Variants in TRIM62 observed in about 807,000 individuals in gnomAD.
The protein encoded by TRIM62 is E3 ubiquitin-protein ligase TRIM62.
Under a neutral mutation model 44.2 loss-of-function variants are expected in TRIM62, and 39 were observed. The observed-to-expected ratio is 0.88, with a 90% confidence interval of 0.68 to 1.15. The LOEUF is 1.15. Among genes scored for constraint, TRIM62 ranks in the 50% most tolerant of loss-of-function variants. The pLI, the probability that TRIM62 is intolerant of heterozygous loss-of-function variation, is 0.00. For missense variants in TRIM62, 544 were observed against 665.5 expected (o/e 0.82, Z 2.01); for synonymous variants, 278 against 292.3 (o/e 0.95, Z 0.50).
intron 2 of TRIM62, among the ~76,000 whole-genome samples, chr1:33,162,694 G>A (rs1305437650): frequency 6.6e-6 from 1 of 152,168 alleles, no homozygotes; most frequent in South Asian, 2.1e-4. Flanking sequence ...GGGAGGGAAA[G>A]GGGGGAAGGC....
chr1:33,171,926 C>T (rs186114888), intron 1 of TRIM62, among the ~76,000 whole-genome samples: 8 of 152,208 alleles, frequency 5.3e-5, no homozygotes, highest in South Asian at 2.1e-4. Flanking sequence ...GGATTATAGG[C>T]GCCCGACACC....
In TRIM62 at chr1:33,177,203, T is replaced by G. The variant is rs1436992379; in HGVS notation, c.408+3822A>C. ...GTATAGTAACTCCTGCCATGTTTCA[T>G]GGGGTATTATTATGGGGGGACTTTA... is the stretch of plus-strand genomic sequence containing the variant. On this transcript the variant is annotated intron_variant, in intron 1 of 4. Transcript: ENST00000291416. This position sits in a 1 kb window ranked among gnomAD's most constrained non-coding sequence, Gnocchi z 4.1. Among the ~76,000 whole-genome samples, 1 of 152,200 alleles carries G rather than the reference T, an allele frequency of 6.6e-6. No homozygotes were observed. Among genetic ancestry groups the G allele is most frequent in the East Asian group, 1.9e-4 (1 of 5,196 alleles).
intron 1 of TRIM62, among the ~76,000 whole-genome samples, chr1:33,169,986 C>G (rs560709410): frequency 2.4e-4 from 36 of 152,274 alleles, no homozygotes; most frequent in African/African-American, 8.2e-4. Flanking sequence ...ACACTTGTAC[C>G]CTGATGGCAC....
In TRIM62 at chr1:33,181,512, G is replaced by T; in HGVS notation, c.-80C>A. On this transcript the variant is annotated 5_prime_UTR_variant, in exon 1 of 5. Coordinates refer to ENST00000291416, the MANE Select transcript of TRIM62 (RefSeq NM_018207.3). The surrounding 1 kb of genome is among the most constrained non-coding windows in gnomAD (Gnocchi z 6.5). ...GCGCGGCGCTGTCGGAGGCAGCACC[G>T]AGGGCTGGGCGCGGGGACGAGGCCC... 6.8e-7 allele frequency: 1 copy of T among 1,468,460 alleles called. No individual in the cohort carries two copies. Among genetic ancestry groups the T allele is most frequent in the Non-Finnish European group, 8.9e-7 (1 of 1,120,278 alleles). 91.0% of individuals were successfully genotyped at this position (1,468,460 alleles called of 1,614,324 possible).
rs190125071 is a variant in TRIM62, at chr1:33,169,129, G to A, written c.409-3563C>T. Among the ~76,000 whole-genome samples, 3 of 152,292 alleles carry A rather than the reference G, an allele frequency of 2.0e-5. No homozygotes were observed. The East Asian group carries it at 5.8e-4, about 29-fold the overall frequency. On this transcript the variant is annotated intron_variant, in intron 1 of 4. Transcript: ENST00000291416. ...GAGAGATGAGGTGTGAGTCCTAAAC[G>A]TGATGCCACGAGGTGTGCATGTGTT...
At chr1:33,180,903 C>T in intron 1 of TRIM62, 122 bp downstream of exon 1, 1 of 412,832 alleles carries the variant, frequency 2.4e-6, no homozygotes, top group Non-Finnish European at 3.6e-6. Flanking sequence ...ACCTTGCTGG[C>T]GGCCCCGCCC....
At chr1:33,173,269 C>A (rs973962939) in intron 1 of TRIM62, among the ~76,000 whole-genome samples, 1 of 152,212 alleles carries the variant, frequency 6.6e-6, no homozygotes, top group Non-Finnish European at 1.5e-5. Context: ...CCCACCAGCT[C>A]CCCTGGCACA....
Position 33,159,955 on chromosome 1 carries a change from C to G in TRIM62, c.505-11G>C. Reference sequence around the variant, plus strand: ...GCTCTTGGTGGAAGACTGTGGGGGACAGTCGTCAGGGGTTATGGCTGGGGG... The same window carrying G: ...GCTCTTGGTGGAAGACTGTGGGGGAGAGTCGTCAGGGGTTATGGCTGGGGG... On this transcript the variant is annotated splice_polypyrimidine_tract_variant and intron_variant, in intron 2 of 4. Transcript: ENST00000291416. The surrounding 1 kb of genome is among the most constrained non-coding windows in gnomAD (Gnocchi z 4.2). 1 of 1,599,190 alleles carries G rather than the reference C, an allele frequency of 6.3e-7. No homozygotes were observed. Among genetic ancestry groups the G allele is most frequent in the Non-Finnish European group, 8.5e-7 (1 of 1,177,672 alleles).
Position 33,172,378 on chromosome 1 carries a change from C to T in TRIM62, c.409-6812G>A, listed in dbSNP as rs77702879. Among the ~76,000 whole-genome samples, 488 of 152,112 alleles carry T rather than the reference C, an allele frequency of 3.2e-3. 19 individuals are homozygous for T. In the East Asian group the frequency reaches 0.083, roughly 26 times the overall value. On this transcript the variant is annotated intron_variant, in intron 1 of 4. Coordinates refer to ENST00000291416, the MANE Select transcript of TRIM62 (RefSeq NM_018207.3). ...CAGGTTGGGTAGGGGCCCACCCTCACGTGTGCAGGAAGTCGGGGTGGTTGG... is the reference window on the plus strand; with the variant it reads ...CAGGTTGGGTAGGGGCCCACCCTCATGTGTGCAGGAAGTCGGGGTGGTTGG...
intron 2 of TRIM62, among the ~76,000 whole-genome samples, chr1:33,162,648 G>T (rs1350831262): frequency 6.6e-6 from 1 of 152,212 alleles, no homozygotes; most frequent in Non-Finnish European, 1.5e-5. Context: ...CTTCTTTCCA[G>T]GCTGGGGTTT....
At chr1:33,171,430 C>G (rs1645374011) in intron 1 of TRIM62, among the ~76,000 whole-genome samples, 1 of 152,114 alleles carries the variant, frequency 6.6e-6, no homozygotes, top group African/African-American at 2.4e-5. Flanking sequence ...GGCAGCTTGC[C>G]TAAGTTCACA....
intron 4 of TRIM62, among the ~76,000 whole-genome samples, chr1:33,155,628 G>A (rs578202841): frequency 7.9e-5 from 12 of 152,244 alleles, no homozygotes; most frequent in Admixed American, 2.0e-4. Context: ...TTTCCAAGTC[G>A]TGACCAAGGA....
chr1:33,174,130 C>G (rs962354707), intron 1 of TRIM62, among the ~76,000 whole-genome samples: 1 of 149,582 alleles, frequency 6.7e-6, no homozygotes, highest in African/African-American at 2.5e-5. Flanking sequence ...TCTTCTTCCC[C>G]CTTCTTCTCC....
At chr1:33,173,940 A>T (rs1196888286) in intron 1 of TRIM62, among the ~76,000 whole-genome samples, 1 of 152,076 alleles carries the variant, frequency 6.6e-6, no homozygotes, top group Non-Finnish European at 1.5e-5. Flanking sequence ...TTCTGGCCTC[A>T]AATGATCCTC....
intron 4 of TRIM62, among the ~76,000 whole-genome samples, chr1:33,149,122 C>G (rs1344805441): frequency 1.3e-5 from 2 of 152,188 alleles, no homozygotes; most frequent in Non-Finnish European, 2.9e-5. Context: ...TGTGCTCGTT[C>G]TGTCCTCTGA....
At chr1:33,149,277 C>T (rs964313159) in intron 4 of TRIM62, among the ~76,000 whole-genome samples, 3 of 152,276 alleles carry the variant, frequency 2.0e-5, no homozygotes, top group Middle Eastern at 3.4e-3. Context: ...CTCAGCCTCT[C>T]GAGTAGTTGG....
intron 1 of TRIM62, among the ~76,000 whole-genome samples, chr1:33,169,634 C>A (rs577477058): frequency 1.3e-5 from 2 of 152,322 alleles, no homozygotes; most frequent in African/African-American, 4.8e-5. Flanking sequence ...TGGCCCCAAC[C>A]TTTTCTTCTC....
chr1:33,173,678 CTT>C lies in TRIM62; in HGVS notation c.408+7345_408+7346del, dbSNP rs11330769. 3.4e-3 allele frequency among the ~76,000 whole-genome samples: 481 copies of C among 143,500 alleles called. 1 individual carries two copies. The highest frequency in any genetic ancestry group is 0.014 in the Middle Eastern group (4 of 280). The allele number at this position is 143,500 out of a possible 152,430, so 94.1% of individuals were successfully genotyped here. ...TTCTGACCTTAAGCACAGTTTCTTTCTTTTTTTTTTTTTTCCCTAATTAAAAA... is the reference window on the plus strand; with the variant it reads ...TTCTGACCTTAAGCACAGTTTCTTTCTTTTTTTTTTTTCCCTAATTAAAAA... On this transcript the variant is annotated intron_variant, in intron 1 of 4. Transcript: ENST00000291416.
rs996531424 is a variant in TRIM62, at chr1:33,161,499, T to C, written c.505-1555A>G. On this transcript the variant is annotated intron_variant, in intron 2 of 4. Transcript: ENST00000291416. The surrounding 1 kb of genome is among the most constrained non-coding windows in gnomAD (Gnocchi z 4.3). ...AAAGGCTCAATTAGGGCCTGTTCCC[T>C]CCCCGACGCGCGGCTGCTGGCCTGC... Among the ~76,000 whole-genome samples, 3 of 152,074 alleles carry C rather than the reference T, an allele frequency of 2.0e-5. No homozygotes were observed. Among genetic ancestry groups the C allele is most frequent in the Admixed American group, 6.5e-5 (1 of 15,280 alleles).
Sources: gnomAD v4.1 joint callset for allele counts (sites outside exome capture counted in the v4.1 genomes callset) on GRCh38, gnomAD v4.1.1 for gene constraint, Gnocchi (gnomAD v3.1) non-coding constraint, MANE v1.5 for transcripts, NCBI Gene and HGNC (gene_info 2026-07-23, HGNC 2026-07-21) for gene names.